Variants in SH3D19 observed in about 807,000 individuals in gnomAD.
The protein encoded by SH3D19 is SH3 domain-containing protein 19.
In SH3D19, 58 loss-of-function variants were observed where a neutral mutation model predicts 112.1. The observed-to-expected ratio is 0.52, with a 90% CI of 0.42 to 0.64. The LOEUF is 0.64. Among genes scored for constraint, SH3D19 ranks in the 30% least tolerant of loss-of-function variants. The pLI is 0.00. For synonymous variants in SH3D19, 391 were observed against 448.5 expected, an observed-to-expected ratio of 0.87 and a Z score of 1.62; for missense variants, 1,090 against 1,263.4, an observed-to-expected ratio of 0.86 and a Z score of 2.08.
intron 8 of SH3D19, 92 bp downstream of exon 8, chr4:151,165,497 A>T: frequency 1.0e-6 from 1 of 1,004,330 alleles, no homozygotes; most frequent in Non-Finnish European, 1.5e-6. Context: ...ATGGCAGATT[A>T]TACATAATTT....
At chr4:151,276,425 A>G (rs183434851) in intron 1 of SH3D19, among the ~76,000 whole-genome samples, 75 of 152,274 alleles carry the variant, frequency 4.9e-4, no homozygotes, top group Non-Finnish European at 8.1e-4. Flanking sequence ...AACTGCCAAC[A>G]GAGCCACCTC....
chr4:151,243,839 G>A (rs1561395827), intron 1 of SH3D19, among the ~76,000 whole-genome samples: 1 of 152,228 alleles, frequency 6.6e-6, no homozygotes, highest in African/African-American at 2.4e-5. Flanking sequence ...GAGTACTGCA[G>A]TTTGAGAATT....
At chr4:151,296,908 A>C (rs771483317) in intron 1 of SH3D19, among the ~76,000 whole-genome samples, 4 of 152,230 alleles carry the variant, frequency 2.6e-5, no homozygotes, top group African/African-American at 4.8e-5. Context: ...ATGTTACCCC[A>C]AAAATGTGAG....
chr4:151,295,520 C>T (rs1224471866), intron 1 of SH3D19, among the ~76,000 whole-genome samples: 4 of 152,188 alleles, frequency 2.6e-5, no homozygotes, highest in African/African-American at 9.7e-5. Context: ...TTACCTTTGA[C>T]TTCGGAATTC....
chr4:151,160,926 C>A (rs1757044225), intron 8 of SH3D19, among the ~76,000 whole-genome samples: 1 of 152,106 alleles, frequency 6.6e-6, no homozygotes, highest in Non-Finnish European at 1.5e-5. Context: ...AACTCAGTCA[C>A]CATCTTGAAG....
At chr4:151,164,837 C>T (rs1395199722) in intron 8 of SH3D19, among the ~76,000 whole-genome samples, 1 of 152,158 alleles carries the variant, frequency 6.6e-6, no homozygotes, top group Non-Finnish European at 1.5e-5. Context: ...CTTGGCCTCC[C>T]AAAGTGCTGG....
rs190483389 is a variant in SH3D19, at chr4:151,267,627, T to C, written c.113-41541A>G. ...GCAAACAAAGTATCAAATCTTGTTT[T>C]TTTCAATTAACAAAATGAGAACTAT... On this transcript the variant is annotated intron_variant, in intron 1 of 19. Transcript: ENST00000604030. Among the ~76,000 whole-genome samples, 395 of 152,306 alleles carry C rather than the reference T, an allele frequency of 2.6e-3. 2 individuals are homozygous for C. Among genetic ancestry groups the C allele is most frequent in the Middle Eastern group, 6.8e-3 (2 of 294 alleles).
intron 1 of SH3D19, among the ~76,000 whole-genome samples, chr4:151,298,181 A>ATTTTTTTTTTTTTTTTTTTTTTT (rs386401883): frequency 1.1e-5 from 1 of 94,886 alleles, no homozygotes; most frequent in Non-Finnish European, 2.0e-5. Context: ...AGAATAATAA[A>ATTTTTTTTTTTTTTTTTTTTTTT]TTTTTTTTTT....
chr4:151,230,023 T>C (rs1229830194), intron 1 of SH3D19, among the ~76,000 whole-genome samples: 1 of 152,194 alleles, frequency 6.6e-6, no homozygotes, highest in African/African-American at 2.4e-5. Flanking sequence ...GGGGAACCCA[T>C]GGTATGTCAA....
chr4:151,306,351 A>AT (rs945388611), intron 1 of SH3D19, among the ~76,000 whole-genome samples: 2 of 152,152 alleles, frequency 1.3e-5, no homozygotes, highest in African/African-American at 4.8e-5. Context: ...TGTTTACGTC[A>AT]TTTTTCTTAT....
intron 8 of SH3D19, among the ~76,000 whole-genome samples, chr4:151,162,089 G>A (rs372489398): frequency 2.9e-4 from 44 of 151,942 alleles, no homozygotes; most frequent in African/African-American, 1.0e-3. Context: ...CTATCAACCC[G>A]TCATCCAGGT....
chr4:151,242,849 G>A (rs545941772), intron 1 of SH3D19, among the ~76,000 whole-genome samples: 12 of 152,042 alleles, frequency 7.9e-5, no homozygotes, highest in African/African-American at 2.9e-4. Context: ...TGATACATGG[G>A]AAATAAAAAA....
chr4:151,174,663 C>A lies in SH3D19; in HGVS notation c.1534+7G>T. The A allele has an allele frequency of 6.7e-7, 1 of 1,494,834 alleles. No individual in the cohort carries two copies. The highest frequency in any genetic ancestry group is 1.5e-5 in the South Asian group (1 of 68,040). 92.6% of individuals were successfully genotyped at this position (1,494,834 alleles called of 1,614,324 possible). On this transcript the variant is annotated splice_region_variant and intron_variant, in intron 7 of 19. Transcript: ENST00000604030. ...AGATTCCCCTCCACTGCTGATTTTT[C>A]ACTCACCTAGAACCATCTCTGAACC...
chr4:151,209,436 G>A (rs954780826), intron 2 of SH3D19, among the ~76,000 whole-genome samples: 7 of 151,902 alleles, frequency 4.6e-5, no homozygotes, highest in East Asian at 1.9e-4. Flanking sequence ...TCACCACCAC[G>A]CCCAGCTAAT....
At chr4:151,273,362 G>A (rs1393546955) in intron 1 of SH3D19, among the ~76,000 whole-genome samples, 5 of 151,864 alleles carry the variant, frequency 3.3e-5, no homozygotes, top group Admixed American at 6.6e-5. Flanking sequence ...AGGCCGAGGC[G>A]GGTGGATCAC....
At chr4:151,123,379 A>G (rs1467693354) in intron 19 of SH3D19, among the ~76,000 whole-genome samples, 2 of 152,308 alleles carry the variant, frequency 1.3e-5, no homozygotes, top group East Asian at 3.9e-4. Context: ...ATCAACACCC[A>G]GAGCATTTTG....
chr4:151,234,735 GTTTTTTTTTTT>G (rs541665981), intron 1 of SH3D19, among the ~76,000 whole-genome samples: 4 of 25,082 alleles, frequency 1.6e-4, no homozygotes, highest in Non-Finnish European at 3.1e-4. Context: ...CCAAGTTTGT[GTTTTTTTTTTT>G]TTTTTTTTTT....
rs1764752470 is a variant in SH3D19, at chr4:151,203,997, T to C, written c.153-16534A>G. ...TAGTTTTAGATTTCCAGAATAGTTG[T>C]GAAGAAAGTTGTCACATACCCCACA... is the stretch of plus-strand genomic sequence containing the variant. On this transcript the variant is annotated intron_variant, in intron 2 of 19. Coordinates refer to ENST00000604030, the MANE Select transcript of SH3D19 (RefSeq NM_001378122.1). 3.3e-5 allele frequency among the ~76,000 whole-genome samples: 5 copies of C among 152,304 alleles called. 1 individual carries two copies. In the South Asian group the frequency reaches 1.0e-3, roughly 32 times the overall value.
At chr4:151,268,980 G>A (rs1478564016) in intron 1 of SH3D19, among the ~76,000 whole-genome samples, 1 of 152,118 alleles carries the variant, frequency 6.6e-6, no homozygotes, top group Non-Finnish European at 1.5e-5. Context: ...TGGGTCAAAT[G>A]GTATTTCTAG....
Sources: allele counts gnomAD v4.1 joint callset (sites outside exome capture counted in the v4.1 genomes callset), GRCh38; gene constraint gnomAD v4.1.1; transcripts MANE v1.5; gene names NCBI Gene and HGNC (gene_info 2026-07-23, HGNC 2026-07-21).